The following SLC30A7 variants were observed in gnomAD, a reference collection of about 807,000 sequenced individuals.
SLC30A7 encodes zinc transporter 7.
Under a neutral mutation model 46.0 loss-of-function variants are expected in SLC30A7, and 35 were observed. That is an observed-to-expected ratio of 0.76 (90% CI 0.58 to 1.01). The LOEUF is 1.01. SLC30A7 is among the 50% of genes least tolerant of loss of function. The probability of loss-of-function intolerance (pLI) is 0.00; values close to 1 mark genes in which losing one functional copy is unlikely to be tolerated. For synonymous variants in SLC30A7, 147 were observed against 157.8 expected (o/e 0.93, Z 0.51); for missense variants, 464 against 451.1 (o/e 1.03, Z -0.26).
At chr1:100,965,662 T>C in intron 9 of SLC30A7, 107 bp from the exon 10 acceptor site, 2 of 921,876 alleles carry the variant, frequency 2.2e-6, no homozygotes, top group Non-Finnish European at 3.4e-6. Flanking sequence ...TTCCTTTTTT[T>C]AAAATGGACG....
At chr1:100,992,654 A>G in the SLC30A7 span, 1 of 1,613,864 alleles carries the variant, frequency 6.2e-7, no homozygotes. Context: ...TTCTCCTCGT[A>G]TTCTTTGATT....
chr1:100,906,681 T>G (rs1651696383), intron 2 of SLC30A7, among the ~76,000 whole-genome samples, 171 bp from the exon 3 acceptor site: 1 of 152,200 alleles, frequency 6.6e-6, no homozygotes, highest in African/African-American at 2.4e-5. Flanking sequence ...TACGAGGGTT[T>G]ACTTTTTAGA....
chr1:100,932,600 A>G (rs1340687481), intron 8 of SLC30A7, among the ~76,000 whole-genome samples: 1 of 151,902 alleles, frequency 6.6e-6, no homozygotes, highest in African/African-American at 2.4e-5. Flanking sequence ...TCAAGCCAAC[A>G]CTTTTTCCTT....
At chr1:100,972,980 A>T (rs929518940) in intron 10 of SLC30A7, among the ~76,000 whole-genome samples, 2 of 151,894 alleles carry the variant, frequency 1.3e-5, no homozygotes, top group South Asian at 2.1e-4. Context: ...TTTCTGCCAC[A>T]TCATCTTAAC....
chr1:100,922,235 G>A (rs1413835736), intron 8 of SLC30A7, among the ~76,000 whole-genome samples: 2 of 151,772 alleles, frequency 1.3e-5, no homozygotes. Flanking sequence ...GAAAGCGCTG[G>A]GATTACAGGC....
At chr1:100,930,476 T>C (rs1223388421) in intron 8 of SLC30A7, among the ~76,000 whole-genome samples, 2 of 152,082 alleles carry the variant, frequency 1.3e-5, no homozygotes, top group African/African-American at 4.8e-5. Flanking sequence ...TTCATGAATA[T>C]AGGATTTAGA....
At chr1:100,937,700 G>A (rs1489991269) in intron 8 of SLC30A7, among the ~76,000 whole-genome samples, 1 of 151,884 alleles carries the variant, frequency 6.6e-6, no homozygotes, top group Admixed American at 6.6e-5. Flanking sequence ...TATATATTCT[G>A]GATATTAACT....
At chr1:100,933,209 C>T (rs1450802550) in intron 8 of SLC30A7, among the ~76,000 whole-genome samples, 2 of 151,592 alleles carry the variant, frequency 1.3e-5, no homozygotes, top group African/African-American at 4.8e-5. Context: ...CTCCTGACCT[C>T]GTGATCTGCC....
chr1:100,965,081 G>C (rs773595843), intron 9 of SLC30A7, among the ~76,000 whole-genome samples: 57 of 152,112 alleles, frequency 3.7e-4, no homozygotes, highest in Non-Finnish European at 8.8e-5. Context: ...AACTGAAAAA[G>C]ATCTTATTGT....
At chr1:100,907,929 C>G (rs1429710125) in intron 3 of SLC30A7, among the ~76,000 whole-genome samples, 1 of 151,894 alleles carries the variant, frequency 6.6e-6, no homozygotes, top group Non-Finnish European at 1.5e-5. Context: ...TCCCCCTATA[C>G]CTTTCCTGTC....
At chr1:100,906,716 A>G (rs1651698723) in intron 2 of SLC30A7, 136 bp from the exon 3 acceptor site, 2 of 592,952 alleles carry the variant, frequency 3.4e-6, no homozygotes, top group Admixed American at 2.9e-5. Flanking sequence ...CCTCAAAGCT[A>G]TCTATATAGC....
intron 7 of SLC30A7, 57 bp from the exon 8 acceptor site, chr1:100,921,649 T>A: frequency 1.4e-6 from 2 of 1,409,078 alleles, no homozygotes; most frequent in Non-Finnish European, 2.0e-6. Flanking sequence ...CTAGGATATA[T>A]TCGTATTTTA....
intron 10 of SLC30A7, among the ~76,000 whole-genome samples, chr1:100,966,173 G>C (rs929200945): frequency 6.6e-6 from 1 of 151,338 alleles, no homozygotes; most frequent in Non-Finnish European, 1.5e-5. Context: ...GGCTGCAGTG[G>C]GTTATGATCC....
chr1:100,941,031 G>A (rs1654313508), intron 8 of SLC30A7: 1 of 340,290 alleles, frequency 2.9e-6, no homozygotes, highest in African/African-American at 2.2e-5. Context: ...ATCTGCTACT[G>A]CCATAGCTTC....
chr1:100,951,668 G>A (rs987152220), intron 8 of SLC30A7, among the ~76,000 whole-genome samples: 1 of 152,120 alleles, frequency 6.6e-6, no homozygotes, highest in African/African-American at 2.4e-5. Context: ...TCTCCATGTT[G>A]TGAAAAGTCT....
At chr1:100,911,901 T>C (rs937530616) in intron 4 of SLC30A7, among the ~76,000 whole-genome samples, 17 of 152,206 alleles carry the variant, frequency 1.1e-4, no homozygotes, top group Non-Finnish European at 2.4e-4. Context: ...TTTATGCTTT[T>C]AAATATTTGT....
Position 100,921,950 on chromosome 1 carries a change from C to CTT in SLC30A7, c.842+129_842+130dup, listed in dbSNP as rs11166531. 2,295 of 396,852 alleles carry CTT rather than the reference C, an allele frequency of 5.8e-3. 1 individual carries two copies. The highest frequency in any genetic ancestry group is 7.0e-3 in the Middle Eastern group (8 of 1,146). The allele number at this position is 396,852 out of a possible 1,614,324, so 24.6% of individuals were successfully genotyped here. On this transcript the variant is annotated intron_variant, in intron 8 of 10. Coordinates refer to ENST00000357650, the MANE Select transcript of SLC30A7 (RefSeq NM_133496.5). ...AATTATGTTGGTTTTCCTTTGCTTG[C>CTT]TTTTTTTTTTTTTTTTTTTTTGAGA... is the stretch of plus-strand genomic sequence containing the variant.
chr1:100,949,363 C>T (rs934573344), intron 8 of SLC30A7, among the ~76,000 whole-genome samples: 8 of 151,898 alleles, frequency 5.3e-5, no homozygotes, highest in African/African-American at 1.9e-4. Context: ...AATATTGCTG[C>T]CTGATCCTTC....
At position 100,896,155 on chromosome 1, in the gene SLC30A7, G is replaced by T. The variant is rs917531842; in HGVS notation, c.-108G>T. The T allele has an allele frequency of 2.0e-5, 19 of 973,902 alleles. No homozygotes were observed. The Admixed American group carries it at 3.3e-4, about 17-fold the overall frequency. The allele number at this position is 973,902 out of a possible 1,614,324, so 60.3% of individuals were successfully genotyped here. A position where few individuals can be genotyped will look rare whatever the true frequency, so the allele number is the denominator to read the frequency against. ...GTGTCTCGCAGCGGCGCGCGGCCCC[G>T]GACAAGCGCTGGGGATTCCCGTTTG... On this transcript the variant is annotated 5_prime_UTR_variant, in exon 1 of 11. Coordinates refer to ENST00000357650, the MANE Select transcript of SLC30A7 (RefSeq NM_133496.5).
Sources: allele counts gnomAD v4.1 joint callset (sites outside exome capture counted in the v4.1 genomes callset), GRCh38; gene constraint gnomAD v4.1.1; transcripts MANE v1.5; gene names NCBI Gene and HGNC (gene_info 2026-07-23, HGNC 2026-07-21).